CDH18: variants seen among roughly 807,000 people sequenced by gnomAD.
The protein encoded by CDH18 is cadherin 18.
CDH18 carries 31 observed loss-of-function variants against 67.9 expected under a neutral mutation model. The observed-to-expected ratio is 0.46, with a 90% CI of 0.34 to 0.62. The LOEUF (loss-of-function observed/expected upper bound fraction) is 0.62, where lower values mean the gene tolerates loss of function less well. CDH18 is among the 20% of genes least tolerant of loss of function. The probability of loss-of-function intolerance (pLI) is 0.01; values close to 1 mark genes in which losing one functional copy is unlikely to be tolerated. For synonymous variants in CDH18, 362 were observed against 347.2 expected, an observed-to-expected ratio of 1.04 and a Z score of -0.48; for missense variants, 890 against 975.5, an observed-to-expected ratio of 0.91 and a Z score of 1.17.
intron 6 of CDH18, among the ~76,000 whole-genome samples, chr5:19,600,160 T>C (rs942636258): frequency 1.5e-5 from 2 of 134,392 alleles, no homozygotes; most frequent in African/African-American, 2.8e-5. Flanking sequence ...ATGAGAACAC[T>C]TGGACACAGG....
intron 1 of CDH18, among the ~76,000 whole-genome samples, chr5:20,442,789 T>G (rs528008368): frequency 6.6e-6 from 1 of 151,906 alleles, no homozygotes; most frequent in South Asian, 2.1e-4. Context: ...AAATAATAAT[T>G]TTGCCAAAGA....
intron 2 of CDH18, among the ~76,000 whole-genome samples, chr5:20,245,085 G>A (rs544296652): frequency 8.5e-5 from 13 of 152,078 alleles, no homozygotes; most frequent in Non-Finnish European, 5.9e-5. Flanking sequence ...TAGTAGATAT[G>A]TCCTCAGTTC....
At chr5:20,338,040 C>T (rs1021335801) in intron 1 of CDH18, among the ~76,000 whole-genome samples, 1 of 152,186 alleles carries the variant, frequency 6.6e-6, no homozygotes, top group Non-Finnish European at 1.5e-5. Context: ...GACCCACCAA[C>T]CACCAGGAGA....
chr5:20,080,163 C>T (rs1460771244), intron 2 of CDH18, among the ~76,000 whole-genome samples: 2 of 152,172 alleles, frequency 1.3e-5, no homozygotes, highest in East Asian at 1.9e-4. Context: ...AAACCTTCAA[C>T]TGTCCTCTAT....
chr5:20,101,089 C>T (rs1184233018), intron 2 of CDH18, among the ~76,000 whole-genome samples: 1 of 151,898 alleles, frequency 6.6e-6, no homozygotes, highest in Non-Finnish European at 1.5e-5. Context: ...CTGGCTGGGA[C>T]TACAGGTATG....
At chr5:20,392,166 C>T (rs1188491209) in intron 1 of CDH18, among the ~76,000 whole-genome samples, 1 of 151,558 alleles carries the variant, frequency 6.6e-6, no homozygotes, top group Admixed American at 6.6e-5. Flanking sequence ...TCATATTCAC[C>T]ATCTTATTTC....
intron 3 of CDH18, among the ~76,000 whole-genome samples, chr5:19,829,420 A>G (rs1780781482): frequency 6.6e-6 from 1 of 152,220 alleles, no homozygotes; most frequent in South Asian, 2.1e-4. Context: ...CAAGAACAAC[A>G]TCCAAGCTAA....
intron 3 of CDH18, among the ~76,000 whole-genome samples, chr5:19,751,379 AT>A (rs1419127012): frequency 6.6e-6 from 1 of 152,240 alleles, no homozygotes; most frequent in East Asian, 1.9e-4. Flanking sequence ...GGGATACATA[AT>A]TTATATACTT....
chr5:19,824,554 T>C (rs993987590), intron 3 of CDH18, among the ~76,000 whole-genome samples: 3 of 152,194 alleles, frequency 2.0e-5, no homozygotes, highest in East Asian at 3.9e-4. Context: ...GTGGCAACTT[T>C]GGAGTTCAAC....
At chr5:19,775,061 A>C (rs944688242) in intron 3 of CDH18, among the ~76,000 whole-genome samples, 1 of 152,114 alleles carries the variant, frequency 6.6e-6, no homozygotes, top group Non-Finnish European at 1.5e-5. Flanking sequence ...GGAACCCTTC[A>C]GAGCCAAAGC....
At chr5:20,141,427 T>G (rs549323572) in intron 2 of CDH18, among the ~76,000 whole-genome samples, 2 of 152,220 alleles carry the variant, frequency 1.3e-5, no homozygotes, top group Non-Finnish European at 2.9e-5. Flanking sequence ...AACTGCTGTA[T>G]GAAAAAGAAT....
intron 9 of CDH18, among the ~76,000 whole-genome samples, chr5:19,542,088 T>A (rs577619693): frequency 6.6e-6 from 1 of 152,276 alleles, no homozygotes; most frequent in Non-Finnish European, 1.5e-5. Flanking sequence ...AGAGATATTA[T>A]GGTGAAAAAC....
At chr5:20,415,579 C>T (rs1456262188) in intron 1 of CDH18, among the ~76,000 whole-genome samples, 1 of 151,614 alleles carries the variant, frequency 6.6e-6, no homozygotes, top group Non-Finnish European at 1.5e-5. Context: ...TGAGACCAAC[C>T]TGGCTAACAT....
intron 2 of CDH18, among the ~76,000 whole-genome samples, chr5:20,011,861 G>T (rs1454114286): frequency 2.0e-5 from 3 of 151,942 alleles, no homozygotes; most frequent in South Asian, 4.1e-4. Context: ...CAGTATTTTT[G>T]CATCAATGTT....
intron 3 of CDH18, among the ~76,000 whole-genome samples, chr5:19,808,897 A>G (rs1778341933): frequency 6.6e-6 from 1 of 151,840 alleles, no homozygotes; most frequent in Non-Finnish European, 1.5e-5. Flanking sequence ...GTTATAAAGA[A>G]AAACAATTTT....
chr5:19,803,845 G>C (rs946117975), intron 3 of CDH18: 1 of 152,180 alleles, frequency 6.6e-6, no homozygotes, highest in Admixed American at 6.6e-5. Flanking sequence ...TCCTAGGCCG[G>C]GCGCGGTGGC....
intron 3 of CDH18, among the ~76,000 whole-genome samples, chr5:19,804,822 GTCT>G (rs776808247): frequency 1.8e-4 from 28 of 152,178 alleles, no homozygotes; most frequent in Non-Finnish European, 3.5e-4. Flanking sequence ...TTAATTTATA[GTCT>G]TCTTCTATCA....
intron 1 of CDH18, among the ~76,000 whole-genome samples, chr5:20,446,797 G>T (rs1013620900): frequency 1.3e-5 from 2 of 152,156 alleles, no homozygotes; most frequent in African/African-American, 4.8e-5. Context: ...GAATAACCAT[G>T]ATCTGTCCTT....
intron 1 of CDH18, among the ~76,000 whole-genome samples, chr5:20,444,844 C>G (rs1371885961): frequency 2.6e-5 from 4 of 150,946 alleles, no homozygotes. Context: ...AAAATAAATC[C>G]TATAAGAGAG....
Sources: gnomAD v4.1 joint callset for allele counts (sites outside exome capture counted in the v4.1 genomes callset) on GRCh38, gnomAD v4.1.1 for gene constraint, MANE v1.5 for transcripts, NCBI Gene and HGNC (gene_info 2026-07-23, HGNC 2026-07-21) for gene names.